RTBDN: variants seen among roughly 807,000 people sequenced by gnomAD.
RTBDN encodes the protein retbindin.
Under a neutral mutation model 21.9 loss-of-function variants are expected in RTBDN, and 24 were observed. That is an observed-to-expected ratio of 1.10 (90% CI 0.79 to 1.54). The LOEUF is 1.54. Among genes scored for constraint, RTBDN ranks in the 40% most tolerant of loss-of-function variants. The pLI, the probability that RTBDN is intolerant of heterozygous loss-of-function variation, is 0.00. For missense variants in RTBDN, 325 were observed against 315.2 expected (o/e 1.03, Z -0.23); for synonymous variants, 141 against 125.9 (o/e 1.12, Z -0.80).
chr19:12,826,683 A>AAT (rs1969313318), intron 5 of RTBDN, 92 bp downstream of exon 5: 4 of 990,522 alleles, frequency 4.0e-6, no homozygotes, highest in Non-Finnish European at 6.1e-6. Context: ...GACAAGAATG[A>AAT]AACTCCGTCT....
Position 12,828,639 on chromosome 19 carries a change from T to A in RTBDN, c.365+18A>T. The A allele has an allele frequency of 6.3e-7, 1 of 1,594,162 alleles. No individual in the cohort carries two copies. Among genetic ancestry groups the A allele is most frequent in the Non-Finnish European group, 8.6e-7 (1 of 1,166,076 alleles). The stretch of plus-strand genomic sequence containing the variant: ...CGCCCAAGTCACAACCCACGCCCCT[T>A]GCCCCCGCGTCTCCTACCAGGCCTG... On this transcript the variant is annotated intron_variant, in intron 4 of 5. Coordinates refer to ENST00000674343, the MANE Select transcript of RTBDN (RefSeq NM_001270441.2).
chr19:12,833,190 C>T (rs1969639189), intron 1 of RTBDN, among the ~76,000 whole-genome samples: 1 of 152,058 alleles, frequency 6.6e-6, no homozygotes, highest in Non-Finnish European at 1.5e-5. Context: ...TATGTATGCA[C>T]ATGTTTTTCT....
intron 5 of RTBDN, chr19:12,826,252 G>T (rs1056046599): frequency 7.8e-7 from 1 of 1,278,966 alleles, no homozygotes. Flanking sequence ...CCCAGAGCAG[G>T]AATGGTTTCT....
At position 12,829,683 on chromosome 19, in the gene RTBDN, G is replaced by C; in HGVS notation, c.169+128C>G. 4.5e-6 allele frequency: 4 copies of C among 884,240 alleles called. No homozygotes were observed. The South Asian group carries it at 6.9e-5, about 15-fold the overall frequency. The allele number at this position is 884,240 out of a possible 1,614,324, so 54.8% of individuals were successfully genotyped here. A position where few individuals can be genotyped will look rare whatever the true frequency, so the allele number is the denominator to read the frequency against. On this transcript the variant is annotated intron_variant, in intron 2 of 5. Coordinates refer to ENST00000674343, the MANE Select transcript of RTBDN (RefSeq NM_001270441.2). The stretch of plus-strand genomic sequence containing the variant: ...TCTAATTCTTATCCACCATTCTTCA[G>C]CACTATCCGTGCCTCCCACCTTGGT...
chr19:12,833,882 G>A (rs1360329047), intron 1 of RTBDN: 14 of 208,096 alleles, frequency 6.7e-5, no homozygotes, highest in Non-Finnish European at 1.2e-4. Flanking sequence ...CGGTCCCCGC[G>A]GCTTCTCACT....
chr19:12,828,567 C>T (rs1599554071), intron 4 of RTBDN, 90 bp downstream of exon 4: 5 of 939,822 alleles, frequency 5.3e-6, no homozygotes. Context: ...GAGGCCACTC[C>T]CCTTTACACA....
chr19:12,826,918 T>G, intron 4 of RTBDN, 47 bp from the exon 5 acceptor site: 1 of 1,322,652 alleles, frequency 7.6e-7, no homozygotes, highest in Non-Finnish European at 1.1e-6. Flanking sequence ...GTAGTTACAT[T>G]CCAGCGCGAT....
At position 12,825,715 on chromosome 19, in the gene RTBDN, G is replaced by A; in HGVS notation, c.681C>T (p.Ser227=). 6.4e-7 allele frequency: 1 copy of A among 1,573,034 alleles called. No homozygotes were observed. The highest frequency in any genetic ancestry group is 8.6e-7 in the Non-Finnish European group (1 of 1,161,010). The change falls in exon 6 of 6, where the codon AGC becomes AGT. Residue 227 remains serine, a synonymous_variant. Transcript: ENST00000674343. ...AGSGSGSGSG[S]GP is the part of the protein sequence containing the mutation. ...CAGGGCCACGCGTCCGCTAGGGGCC[G>A]CTGCCGCTTCCACTGCCACTCCCGC...
chr19:12,826,186 G>C (rs1245153757), intron 5 of RTBDN: 3 of 1,360,100 alleles, frequency 2.2e-6, no homozygotes, highest in East Asian at 3.0e-5. Flanking sequence ...ATCAAGGCTG[G>C]GGTTTTGTAG....
chr19:12,827,018 T>C, intron 4 of RTBDN, 147 bp from the exon 5 acceptor site: 1 of 636,378 alleles, frequency 1.6e-6, no homozygotes, highest in Non-Finnish European at 2.9e-6. Context: ...ACTAACCCCA[T>C]CTCTCCAGAT....
In RTBDN at chr19:12,828,867, A is replaced by G. The variant is rs973169188; in HGVS notation, c.254+2T>C. 3 of 1,614,114 alleles carry G rather than the reference A, an allele frequency of 1.9e-6. No homozygotes were observed. Among genetic ancestry groups the G allele is most frequent in the Admixed American group, 3.3e-5 (2 of 60,006 alleles). ...GAAAACGGTGGAGGGTGCTGTACTC[A>G]CTCAGGGCTCGGCACTCCACAGCGT... On this transcript the variant is annotated splice_donor_variant, in intron 3 of 5. Transcript: ENST00000674343. LOFTEE classifies it high-confidence loss of function.
chr19:12,827,060 C>A (rs1969336414), intron 4 of RTBDN, among the ~76,000 whole-genome samples, 189 bp from the exon 5 acceptor site: 1 of 152,182 alleles, frequency 6.6e-6, no homozygotes, highest in Non-Finnish European at 1.5e-5. Context: ...TCAGATCTTT[C>A]CATACTCTGG....
Position 12,828,777 on chromosome 19 carries a change from G to C in RTBDN, c.255-10C>G. 6.2e-7 allele frequency: 1 copy of C among 1,614,042 alleles called. No individual in the cohort carries two copies. Among genetic ancestry groups the C allele is most frequent in the African/African-American group, 1.3e-5 (1 of 75,064 alleles). On this transcript the variant is annotated splice_polypyrimidine_tract_variant and intron_variant, in intron 3 of 5. Coordinates refer to ENST00000674343, the MANE Select transcript of RTBDN (RefSeq NM_001270441.2). ...CAGGAAGGATTCGCATCTGGACGTT[G>C]GGAGAGATAGGGTCGGATGGGTCAG...
upstream of RTBDN, chr19:12,835,264 A>C: frequency 1.5e-6 from 1 of 663,114 alleles, no homozygotes; most frequent in South Asian, 1.7e-5. Context: ...TTCAGAGCCC[A>C]GATGGCCCGA....
chr19:12,825,737 C>T lies in RTBDN; in HGVS notation c.659G>A (p.Gly220Glu), dbSNP rs1270359654. 2 of 1,594,556 alleles carry T rather than the reference C, an allele frequency of 1.3e-6. No homozygotes were observed. Among genetic ancestry groups the T allele is most frequent in the Non-Finnish European group, 1.7e-6 (2 of 1,171,730 alleles). The change falls in exon 6 of 6, where the codon GGG becomes GAG. Residue 220 changes from glycine to glutamate, a missense_variant. Gly to Glu is a moderately conservative substitution (Grantham distance 98, BLOSUM62 -2). Coordinates refer to ENST00000674343, the MANE Select transcript of RTBDN (RefSeq NM_001270441.2). ...RTSILDAAGS[G>E]SGSGSGSGP ...GCCGCTGCCGCTTCCACTGCCACTC[C>T]CGCTGCCCGCAGCGTCCAGGATGGA... is the stretch of plus-strand genomic sequence containing the variant.
intron 1 of RTBDN, among the ~76,000 whole-genome samples, chr19:12,831,016 TTGTGTGTGTGTGTG>T (rs56204944): frequency 1.2e-4 from 16 of 132,478 alleles, no homozygotes; most frequent in African/African-American, 3.4e-4. Flanking sequence ...GGTGGAGTGG[TTGTGTGTGTGTGTG>T]TGTGTGTGTG....
chr19:12,826,082 G>C (rs1476761066), intron 5 of RTBDN, 149 bp from the exon 6 acceptor site: 2 of 1,412,506 alleles, frequency 1.4e-6, no homozygotes, highest in Non-Finnish European at 1.8e-6. Context: ...GAACGTGAGT[G>C]GGGGCAGGTC....
intron 5 of RTBDN, 128 bp from the exon 6 acceptor site, chr19:12,826,061 G>C: frequency 2.8e-6 from 4 of 1,421,830 alleles, no homozygotes; most frequent in Non-Finnish European, 3.7e-6. Flanking sequence ...CGGCCTGGGA[G>C]TCTATGTGCG....
chr19:12,834,624 G>T, upstream of RTBDN: 1 of 1,510,472 alleles, frequency 6.6e-7, no homozygotes, highest in Non-Finnish European at 8.9e-7. The surrounding 1 kb of genome is among the most constrained non-coding windows in gnomAD (Gnocchi z 4.7). Context: ...CAGCTTGTGG[G>T]TGGGCGGGAG....
Sources: allele counts gnomAD v4.1 joint callset (sites outside exome capture counted in the v4.1 genomes callset), GRCh38; gene constraint gnomAD v4.1.1; non-coding constraint Gnocchi (gnomAD v3.1); transcripts MANE v1.5; gene names NCBI Gene and HGNC (gene_info 2026-07-23, HGNC 2026-07-21).